The following LRMDA variants were observed in gnomAD, a reference collection of about 807,000 sequenced individuals.
LRMDA encodes leucine rich melanocyte differentiation associated.
LRMDA carries 18 observed loss-of-function variants against 29.8 expected under a neutral mutation model. The ratio of observed to expected loss-of-function variants is 0.60; its 90% CI spans 0.42 to 0.90. LRMDA has a LOEUF of 0.90. Ranked by LOEUF, LRMDA falls within the 40% of genes least tolerant of loss-of-function variation. The pLI, the probability that LRMDA is intolerant of heterozygous loss-of-function variation, is 0.00. For synonymous variants in LRMDA, 125 were observed against 109.4 expected (o/e 1.14, Z -0.89); for missense variants, 273 against 273.9 (o/e 1.00, Z 0.02).
intron 5 of LRMDA, among the ~76,000 whole-genome samples, chr10:76,062,956 T>C (rs954716994): frequency 6.6e-6 from 1 of 152,150 alleles, no homozygotes; most frequent in African/African-American, 2.4e-5. Flanking sequence ...GTGGTCGGCA[T>C]GTCAGCCCTG....
chr10:76,347,248 C>A (rs993359237), intron 6 of LRMDA, among the ~76,000 whole-genome samples: 1 of 152,168 alleles, frequency 6.6e-6, no homozygotes, highest in South Asian at 2.1e-4. Flanking sequence ...CCTTGTATCT[C>A]TATTTGTCAT....
At chr10:75,631,330 T>C (rs1288232775) in intron 2 of LRMDA, among the ~76,000 whole-genome samples, 1 of 152,062 alleles carries the variant, frequency 6.6e-6, no homozygotes, top group African/African-American at 2.4e-5. Flanking sequence ...CCAGCTTCTT[T>C]TGCAGTTTCT....
At chr10:76,342,176 A>G (rs1022426196) in intron 6 of LRMDA, among the ~76,000 whole-genome samples, 3 of 152,212 alleles carry the variant, frequency 2.0e-5, no homozygotes, top group African/African-American at 7.2e-5. Flanking sequence ...CAGAAATAAC[A>G]AAATTAGATT....
chr10:76,276,289 G>A (rs1840133679), intron 5 of LRMDA, among the ~76,000 whole-genome samples: 1 of 151,526 alleles, frequency 6.6e-6, no homozygotes, highest in South Asian at 2.1e-4. Context: ...ACAAGCATGT[G>A]CCACTATGTC....
chr10:76,363,176 AGGAGG>A lies in LRMDA; in HGVS notation c.601+38693_601+38697del, dbSNP rs1371215409. Among the ~76,000 whole-genome samples the A allele has an allele frequency of 4.6e-4, 10 of 21,794 alleles. 2 individuals are homozygous for A. The highest frequency in any genetic ancestry group is 3.1e-3 in the South Asian group (2 of 648). 14.3% of individuals were successfully genotyped at this position (21,794 alleles called of 152,430 possible). On this transcript the variant is annotated intron_variant, in intron 6 of 6. Transcript: ENST00000611255. Reference sequence around the variant, plus strand: ...AAGAAAGAAAGAAAGAAAGAAAGAAAGGAGGGAGGGAGGGAGGGAGGGAGGGAGGG... The same window carrying A: ...AAGAAAGAAAGAAAGAAAGAAAGAAAGAGGGAGGGAGGGAGGGAGGGAGGG...
chr10:76,127,945 C>T lies in LRMDA; in HGVS notation c.516+69162C>T, dbSNP rs114393168. Among the ~76,000 whole-genome samples the T allele has an allele frequency of 6.3e-3, 960 of 152,060 alleles. 12 individuals carry two copies. The highest frequency in any genetic ancestry group is 0.022 in the African/African-American group (902 of 41,488). ...TCAAAATGTTTACATATGAATGTAG[C>T]ATTTTAACCAACTTAAAAAAAAACA... On this transcript the variant is annotated intron_variant, in intron 5 of 6. Coordinates refer to ENST00000611255, the MANE Select transcript of LRMDA (RefSeq NM_001305581.2).
At chr10:75,991,803 G>A (rs1256614090) in intron 2 of LRMDA, among the ~76,000 whole-genome samples, 1 of 152,148 alleles carries the variant, frequency 6.6e-6, no homozygotes, top group Non-Finnish European at 1.5e-5. Flanking sequence ...TAAATCTCTG[G>A]CTTCCAATTC....
At chr10:76,340,034 G>A (rs1841018389) in intron 6 of LRMDA, among the ~76,000 whole-genome samples, 1 of 152,052 alleles carries the variant, frequency 6.6e-6, no homozygotes, top group African/African-American at 2.4e-5. Context: ...TATGAATAAA[G>A]GAATCCTCCA....
chr10:76,527,241 A>G (rs1473437597), intron 6 of LRMDA, among the ~76,000 whole-genome samples: 3 of 152,046 alleles, frequency 2.0e-5, no homozygotes, highest in African/African-American at 7.2e-5. Context: ...TTCTGAGGGC[A>G]CTTAACAGTT....
Position 76,558,280 on chromosome 10 carries a change from A to T in LRMDA, c.*992A>T, listed in dbSNP as rs1843582570. The T allele has an allele frequency of 1.3e-5, 2 of 152,240 alleles. No individual in the cohort carries two copies. The highest frequency in any genetic ancestry group is 1.3e-4 in the Admixed American group (2 of 15,286). The allele number at this position is 152,240 out of a possible 1,614,324, so 9.4% of individuals were successfully genotyped here. A position where few individuals can be genotyped will look rare whatever the true frequency, so the allele number is the denominator to read the frequency against. On this transcript the variant is annotated 3_prime_UTR_variant, in exon 7 of 7. Coordinates refer to ENST00000611255, the MANE Select transcript of LRMDA (RefSeq NM_001305581.2). The stretch of plus-strand genomic sequence containing the variant: ...GTCAGGAGGTTAAAAAACAAAATTA[A>T]GACTGTTGAAAACACCCACCAGACC...
At chr10:76,372,750 G>T (rs1044785270) in intron 6 of LRMDA, among the ~76,000 whole-genome samples, 1 of 152,062 alleles carries the variant, frequency 6.6e-6, no homozygotes, top group Non-Finnish European at 1.5e-5. Flanking sequence ...GCAGACCTGG[G>T]TCTTAGACAT....
intron 2 of LRMDA, among the ~76,000 whole-genome samples, chr10:75,890,308 C>A (rs1256610354): frequency 2.0e-5 from 3 of 152,070 alleles, no homozygotes; most frequent in African/African-American, 7.3e-5. Flanking sequence ...CATTTGAATT[C>A]TCTCTCTATA....
chr10:75,940,478 C>T (rs926794965), intron 2 of LRMDA, among the ~76,000 whole-genome samples: 4 of 152,140 alleles, frequency 2.6e-5, no homozygotes, highest in African/African-American at 9.7e-5. Context: ...CCGTGCCTTC[C>T]ACGAAGCCAT....
At chr10:76,007,031 T>C (rs1271386) in intron 2 of LRMDA, among the ~76,000 whole-genome samples, 154 of 26,950 alleles carry the variant, frequency 5.7e-3, no homozygotes, top group South Asian at 0.011. Flanking sequence ...TGTGTGTGTG[T>C]GCGCGTGTGT....
At chr10:75,618,938 A>G (rs1412488993) in intron 2 of LRMDA, among the ~76,000 whole-genome samples, 1 of 151,790 alleles carries the variant, frequency 6.6e-6, no homozygotes, top group African/African-American at 2.4e-5. Flanking sequence ...GCGTGCCACC[A>G]CTCCTGGCTA....
chr10:76,342,961 C>T (rs539896887), intron 6 of LRMDA, among the ~76,000 whole-genome samples: 5 of 150,598 alleles, frequency 3.3e-5, no homozygotes, highest in East Asian at 1.9e-4. Context: ...GTTTAACAAC[C>T]GGGTCTGGGG....
intron 2 of LRMDA, among the ~76,000 whole-genome samples, chr10:75,876,405 TCAG>T (rs1280989543): frequency 3.9e-5 from 6 of 152,002 alleles, no homozygotes; most frequent in Non-Finnish European, 7.4e-5. Context: ...GTGTAGAAAT[TCAG>T]AAGAGAGAGA....
intron 6 of LRMDA, among the ~76,000 whole-genome samples, chr10:76,334,609 A>T (rs902178698): frequency 6.6e-6 from 1 of 152,146 alleles, no homozygotes; most frequent in Non-Finnish European, 1.5e-5. Flanking sequence ...ATCCATTCTA[A>T]TGAAATTTTT....
chr10:75,900,164 A>G (rs1352376490), intron 2 of LRMDA, among the ~76,000 whole-genome samples: 1 of 152,234 alleles, frequency 6.6e-6, no homozygotes, highest in African/African-American at 2.4e-5. Context: ...AGACTTGAAA[A>G]AGCTTGTAAT....
Sources: allele counts gnomAD v4.1 joint callset (sites outside exome capture counted in the v4.1 genomes callset), GRCh38; gene constraint gnomAD v4.1.1; transcripts MANE v1.5; gene names NCBI Gene and HGNC (gene_info 2026-07-23, HGNC 2026-07-21).